The following PXN variants were observed in gnomAD, a reference collection of about 807,000 sequenced individuals.
PXN encodes testicular tissue protein Li 134.
In PXN, 61 loss-of-function variants were observed where a neutral mutation model predicts 103.6. That is an observed-to-expected ratio of 0.59 (90% CI 0.48 to 0.73). The LOEUF is 0.73. Among genes scored for constraint, PXN ranks in the 30% least tolerant of loss-of-function variants. The pLI, the probability that PXN is intolerant of heterozygous loss-of-function variation, is 0.00. For missense variants in PXN, 1,274 were observed against 1,460.3 expected (o/e 0.87, Z 2.08); for synonymous variants, 562 against 607.8 (o/e 0.92, Z 1.11).
At chr12:120,238,178 C>G (rs1182457919) in intron 1 of PXN, among the ~76,000 whole-genome samples, 1 of 152,074 alleles carries the variant, frequency 6.6e-6, no homozygotes, top group Admixed American at 6.6e-5. Context: ...CAAAAAGCAC[C>G]CAGGGAGACC....
chr12:120,219,963 G>A lies in PXN; in HGVS notation c.960C>T (p.Ser320=). ...SVFLPPTTIP[S]PRGQGHTPEF... ...CCGGAGTGTGGCCCTGGCCTCGAGG[G>A]GAGGGTATAGTGGTGGGTGGCAGAA... Residue 320 remains serine (S), a synonymous_variant, in exon 7 of 15, where the codon TCC becomes TCT. Coordinates refer to ENST00000637617, the MANE Select transcript of PXN (RefSeq NM_001385981.1). This position sits in a 1 kb window ranked among gnomAD's most constrained non-coding sequence, Gnocchi z 6.5. The A allele has an allele frequency of 6.3e-7, 1 of 1,596,130 alleles. No individual in the cohort carries two copies. The highest frequency in any genetic ancestry group is 8.5e-7 in the Non-Finnish European group (1 of 1,177,760).
chr12:120,253,430 G>A (rs1433074376), intron 1 of PXN, among the ~76,000 whole-genome samples: 7 of 152,104 alleles, frequency 4.6e-5, no homozygotes, highest in South Asian at 2.1e-4. Flanking sequence ...CTGAGATCAC[G>A]CCACTGCACT....
chr12:120,228,474 G>A lies in PXN; in HGVS notation c.14-4097C>T, dbSNP rs1408552370. 1.3e-5 allele frequency among the ~76,000 whole-genome samples: 2 copies of A among 152,220 alleles called. No individual in the cohort carries two copies. Among genetic ancestry groups the A allele is most frequent in the Non-Finnish European group, 2.9e-5 (2 of 68,038 alleles). On this transcript the variant is annotated intron_variant, in intron 1 of 14. Coordinates refer to ENST00000637617, the MANE Select transcript of PXN (RefSeq NM_001385981.1). This position sits in a 1 kb window ranked among gnomAD's most constrained non-coding sequence, Gnocchi z 4.7. ...GGCCACGGAGCTATGTCCTGGCTCC[G>A]CCCTGGTGAGGAAGGGGTGCAGACT...
At position 120,212,001 on chromosome 12, in the gene PXN, G is replaced by C. The variant is rs772591086; in HGVS notation, c.*313C>G. On this transcript the variant is annotated 3_prime_UTR_variant, in exon 15 of 15. Coordinates refer to ENST00000637617, the MANE Select transcript of PXN (RefSeq NM_001385981.1). This position sits in a 1 kb window ranked among gnomAD's most constrained non-coding sequence, Gnocchi z 7.2. ...TATGAGGAAGAGATGGCTCCAGTGTGGGGTGCTGGCCAGGCCAGTTCGTGG... is the reference window on the plus strand; with the variant it reads ...TATGAGGAAGAGATGGCTCCAGTGTCGGGTGCTGGCCAGGCCAGTTCGTGG... The C allele has an allele frequency of 3.2e-6, 2 of 625,276 alleles. No individual in the cohort carries two copies. The allele number at this position is 625,276 out of a possible 1,614,324, so 38.7% of individuals were successfully genotyped here.
intron 1 of PXN, among the ~76,000 whole-genome samples, chr12:120,239,564 AGAGT>A (rs1490166586): frequency 7.2e-5 from 11 of 151,832 alleles, no homozygotes; most frequent in Non-Finnish European, 5.9e-5. Flanking sequence ...CCTGGGCAAC[AGAGT>A]GAGACTCCGT....
In PXN at chr12:120,215,562, CT is replaced by C; in HGVS notation, c.2400del (p.Phe802SerfsTer34). 6.3e-7 allele frequency: 1 copy of C among 1,588,208 alleles called. No individual in the cohort carries two copies. ...GRSSPGGQDEGGFMAQGKTGS... is the reference protein window; with the variant it reads ...GRSSPGGQDEXGFMAQGKTGS... ...CCCAGCCCAGCCTTGGCACTGACCCCTCCCTCGTCCTGCCCTCCGGGGCTGC... is the reference window on the plus strand; with the variant it reads ...CCCAGCCCAGCCTTGGCACTGACCCCCCCTCGTCCTGCCCTCCGGGGCTGC... On this transcript the variant is annotated frameshift_variant, in exon 10 of 15. Coordinates refer to ENST00000637617, the MANE Select transcript of PXN (RefSeq NM_001385981.1). LOFTEE classifies it high-confidence loss of function. This position sits in a 1 kb window ranked among gnomAD's most constrained non-coding sequence, Gnocchi z 4.9.
intron 1 of PXN, among the ~76,000 whole-genome samples, chr12:120,260,011 T>C (rs1224236836): frequency 6.6e-6 from 1 of 152,216 alleles, no homozygotes; most frequent in East Asian, 1.9e-4. Context: ...GGAAGGCTTC[T>C]GATTCCTGAG....
In PXN at chr12:120,220,156, A is replaced by G; in HGVS notation, c.832-65T>C. On this transcript the variant is annotated intron_variant, in intron 6 of 14. Transcript: ENST00000637617. The surrounding 1 kb of genome is among the most constrained non-coding windows in gnomAD (Gnocchi z 6.1). ...AGATGAGGGGAGTGAGGACGGCTGC[A>G]CCTTGCAGGCGGTGGGCTCGGCCTT... The G allele has an allele frequency of 1.3e-5, 9 of 675,016 alleles. No homozygotes were observed. The highest frequency in any genetic ancestry group is 2.2e-5 in the Non-Finnish European group (9 of 414,684). The allele number at this position is 675,016 out of a possible 1,614,324, so 41.8% of individuals were successfully genotyped here. A position where few individuals can be genotyped will look rare whatever the true frequency, so the allele number is the denominator to read the frequency against.
At position 120,263,665 on chromosome 12, in the gene PXN, T is replaced by C. The variant is rs1894229340; in HGVS notation, c.13+1952A>G. Reference sequence around the variant, plus strand: ...GCATTGGCTTTAAGGTGGAATCTGATAAAAGGGTTGTTGTGAGGATATCAC... The same window carrying C: ...GCATTGGCTTTAAGGTGGAATCTGACAAAAGGGTTGTTGTGAGGATATCAC... On this transcript the variant is annotated intron_variant, in intron 1 of 14. Transcript: ENST00000637617. Among the ~76,000 whole-genome samples the C allele has an allele frequency of 2.0e-5, 3 of 152,182 alleles. No individual in the cohort carries two copies. The South Asian group carries it at 6.2e-4, about 31-fold the overall frequency.
At chr12:120,241,806 G>C (rs1280181907) in intron 1 of PXN, among the ~76,000 whole-genome samples, 1 of 152,252 alleles carries the variant, frequency 6.6e-6, no homozygotes, top group East Asian at 1.9e-4. Flanking sequence ...GCAAGCCACA[G>C]AAGGAAGGCG....
At chr12:120,245,035 G>A (rs1890821399) in intron 1 of PXN, among the ~76,000 whole-genome samples, 1 of 151,850 alleles carries the variant, frequency 6.6e-6, no homozygotes, top group Non-Finnish European at 1.5e-5. Flanking sequence ...AGCTGGGAGG[G>A]AGTTGGGGCC....
Position 120,212,139 on chromosome 12 carries a change from G to C in PXN, c.*175C>G. The C allele has an allele frequency of 2.1e-6, 2 of 951,638 alleles. No individual in the cohort carries two copies. Among genetic ancestry groups the C allele is most frequent in the Admixed American group, 1.9e-5 (1 of 51,420 alleles). The allele number at this position is 951,638 out of a possible 1,614,324, so 58.9% of individuals were successfully genotyped here. On this transcript the variant is annotated 3_prime_UTR_variant, in exon 15 of 15. Transcript: ENST00000637617. The surrounding 1 kb of genome is among the most constrained non-coding windows in gnomAD (Gnocchi z 7.2). ...GGAGGGGGCCCAGAGGCTCTGGCAGGGGTGAAGACAAGCAGGGGGACCCCT... is the reference window on the plus strand; with the variant it reads ...GGAGGGGGCCCAGAGGCTCTGGCAGCGGTGAAGACAAGCAGGGGGACCCCT...
intron 1 of PXN, chr12:120,249,816 G>T (rs768932207): frequency 2.3e-5 from 22 of 969,058 alleles, no homozygotes; most frequent in Non-Finnish European, 2.7e-5. Context: ...CACAGCAGAA[G>T]AGGCCATTTG....
In PXN at chr12:120,211,971, T is replaced by G; in HGVS notation, c.*343A>C. 1.7e-6 allele frequency: 1 copy of G among 576,592 alleles called. No individual in the cohort carries two copies. Among genetic ancestry groups the G allele is most frequent in the Admixed American group, 1.9e-5 (1 of 53,334 alleles). 35.7% of individuals were successfully genotyped at this position (576,592 alleles called of 1,614,324 possible). A position where few individuals can be genotyped will look rare whatever the true frequency, so the allele number is the denominator to read the frequency against. ...CTTCCCTGCCCCCCGGCTGCACTGC[T>G]GAAATATGAGGAAGAGATGGCTCCA... On this transcript the variant is annotated 3_prime_UTR_variant, in exon 15 of 15. Coordinates refer to ENST00000637617, the MANE Select transcript of PXN (RefSeq NM_001385981.1).
intron 3 of PXN, 139 bp from the exon 4 acceptor site, chr12:120,223,138 G>C: frequency 1.4e-6 from 2 of 1,439,956 alleles, no homozygotes; most frequent in Non-Finnish European, 1.9e-6. Flanking sequence ...GGTAGGGAAG[G>C]GATGTGGTAA....
chr12:120,264,837 T>C (rs1444889324), intron 1 of PXN, among the ~76,000 whole-genome samples: 2 of 152,160 alleles, frequency 1.3e-5, no homozygotes, highest in Non-Finnish European at 2.9e-5. Context: ...ATTACCGTTC[T>C]AGACTTAGAT....
intron 1 of PXN, among the ~76,000 whole-genome samples, chr12:120,239,403 A>G (rs1889742227): frequency 6.6e-6 from 1 of 152,180 alleles, no homozygotes; most frequent in African/African-American, 2.4e-5. Flanking sequence ...CAGCATGGTG[A>G]AACCCCGTCT....
At chr12:120,261,756 G>A (rs1893919791) in intron 1 of PXN, among the ~76,000 whole-genome samples, 2 of 152,166 alleles carry the variant, frequency 1.3e-5, no homozygotes, top group Non-Finnish European at 2.9e-5. Flanking sequence ...CTGGAAAAAA[G>A]GAATACTGAG....
chr12:120,227,815 A>G (rs1232242344), intron 1 of PXN, among the ~76,000 whole-genome samples: 2 of 152,184 alleles, frequency 1.3e-5, no homozygotes, highest in Non-Finnish European at 2.9e-5. Flanking sequence ...TTGATTTCCA[A>G]TGGGTGCAAA....
Sources: gnomAD v4.1 joint callset for allele counts (sites outside exome capture counted in the v4.1 genomes callset) on GRCh38, gnomAD v4.1.1 for gene constraint, Gnocchi (gnomAD v3.1) non-coding constraint, MANE v1.5 for transcripts, NCBI Gene and HGNC (gene_info 2026-07-23, HGNC 2026-07-21) for gene names.